Variants in WAPL observed in about 807,000 individuals in gnomAD.
WAPL encodes the protein WAPL cohesin release factor, also known as wings apart-like protein homolog.
In WAPL, 5 loss-of-function variants were observed where a neutral mutation model predicts 121.0. That is an observed-to-expected ratio of 0.04 (90% confidence interval 0.02 to 0.09). WAPL has a LOEUF of 0.09. Among genes scored for constraint, WAPL ranks in the 10% least tolerant of loss-of-function variants. WAPL has a pLI of 1.00. For synonymous variants in WAPL, 480 were observed against 481.5 expected, an observed-to-expected ratio of 1.00 and a Z score of 0.04; for missense variants, 999 against 1,410.8, an observed-to-expected ratio of 0.71 and a Z score of 4.68.
intron 1 of WAPL, among the ~76,000 whole-genome samples, chr10:86,519,455 T>C (rs1302908913): frequency 6.6e-6 from 1 of 152,244 alleles, no homozygotes; most frequent in Non-Finnish European, 1.5e-5. Context: ...TTACCATTTA[T>C]AATGAGTCAC....
intron 15 of WAPL, among the ~76,000 whole-genome samples, chr10:86,446,956 G>C (rs1849637316): frequency 6.6e-6 from 1 of 152,142 alleles, no homozygotes; most frequent in African/African-American, 2.4e-5. Context: ...AAACTTCAAA[G>C]AGAGATTATA....
intron 4 of WAPL, among the ~76,000 whole-genome samples, chr10:86,495,462 CA>C (rs888514373): frequency 8.4e-4 from 120 of 142,154 alleles, no homozygotes; most frequent in Admixed American, 2.1e-3. Flanking sequence ...GAGACCATCT[CA>C]AAAAAAAAAG....
intron 12 of WAPL, among the ~76,000 whole-genome samples, chr10:86,458,079 C>T (rs929274099): frequency 2.6e-5 from 4 of 152,144 alleles, no homozygotes; most frequent in Admixed American, 2.0e-4. Context: ...AGTAAGACTG[C>T]AATGGGCCTT....
chr10:86,510,381 C>T (rs1182678667), intron 2 of WAPL, among the ~76,000 whole-genome samples: 1 of 152,064 alleles, frequency 6.6e-6, no homozygotes, highest in African/African-American at 2.4e-5. Context: ...TGTCTGGCTT[C>T]AAGTTCTAAA....
rs1433831085 is a variant in WAPL at position 86,472,936 on chromosome 10, C to G, written c.1741-172G>C. On this transcript the variant is annotated intron_variant, in intron 5 of 18. Coordinates refer to ENST00000298767, the MANE Select transcript of WAPL (RefSeq NM_015045.5). This position sits in a 1 kb window ranked among gnomAD's most constrained non-coding sequence, Gnocchi z 4.2. ...AAATACTTTGAATTCCATGCACTAA[C>G]AGGTAAGACATATGTATATCTGCAC... Among the ~76,000 whole-genome samples, 3 of 152,188 alleles carry G rather than the reference C, an allele frequency of 2.0e-5. No individual in the cohort carries two copies. The highest frequency in any genetic ancestry group is 4.4e-5 in the Non-Finnish European group (3 of 68,030).
At chr10:86,438,763 A>G (rs889950968) in intron 17 of WAPL, among the ~76,000 whole-genome samples, 1 of 152,198 alleles carries the variant, frequency 6.6e-6, no homozygotes, top group Non-Finnish European at 1.5e-5. Flanking sequence ...ATAGGACAGG[A>G]ATTAACTAGA....
chr10:86,517,544 C>T (rs756170967), intron 2 of WAPL, 27 bp downstream of exon 2: 29 of 1,571,584 alleles, frequency 1.8e-5, no homozygotes, highest in East Asian at 4.5e-5. Context: ...GCTCTCTTGG[C>T]GGAGAATAAA....
chr10:86,447,774 C>A (rs745539282), intron 15 of WAPL, among the ~76,000 whole-genome samples: 12 of 152,252 alleles, frequency 7.9e-5, no homozygotes, highest in Non-Finnish European at 1.5e-4. Flanking sequence ...CCTGGCCATG[C>A]AGGGTGGCTC....
At position 86,500,615 on chromosome 10, in the gene WAPL, T is replaced by C. The variant is rs1476672417; in HGVS notation, c.628A>G (p.Thr210Ala). 8 of 1,614,210 alleles carry C rather than the reference T, an allele frequency of 5.0e-6. No individual in the cohort carries two copies. In the East Asian group the frequency reaches 1.8e-4, roughly 36 times the overall value. ...VASEIKETND[T>A]WNSQFGKRPE... ...CTTTTCCCAAACTGGGAGTTCCAAG[T>C]ATCATTTGTTTCCTTGATTTCAGAA... Residue 210 changes from threonine (T) to alanine (A), a missense_variant, in exon 3 of 19, where the codon ACT becomes GCT. By Grantham distance (58) the Thr-to-Ala change is moderately conservative. Transcript: ENST00000298767.
intron 2 of WAPL, among the ~76,000 whole-genome samples, chr10:86,501,450 A>C (rs1401128033): frequency 6.6e-6 from 1 of 152,224 alleles, no homozygotes; most frequent in East Asian, 1.9e-4. Flanking sequence ...CAACCTTTCC[A>C]AATGAGATAC....
rs151280178 is a variant in WAPL at position 86,476,453 on chromosome 10, C to A, written c.1645-2480G>T. On this transcript the variant is annotated intron_variant, in intron 4 of 18. Coordinates refer to ENST00000298767, the MANE Select transcript of WAPL (RefSeq NM_015045.5). ...CCTGTAATCCCAGCACTTTGGGAGG[C>A]CAAGGCAGGCGGATCGACTGAGGTC... 7.4e-3 allele frequency among the ~76,000 whole-genome samples: 1,129 copies of A among 151,810 alleles called. 15 individuals carry two copies. The highest frequency in any genetic ancestry group is 0.026 in the African/African-American group (1,068 of 41,314).
intron 12 of WAPL, among the ~76,000 whole-genome samples, chr10:86,454,359 G>GCTCTCC (rs201751242): frequency 3.6e-4 from 54 of 151,770 alleles, no homozygotes; most frequent in Non-Finnish European, 5.3e-4. Flanking sequence ...AAGGATTCTC[G>GCTCTCC]CTCTCCCTCT....
At position 86,459,077 on chromosome 10, in the gene WAPL, G is replaced by C. The variant is rs778804436; in HGVS notation, c.2581-12C>G. 2.1e-5 allele frequency: 34 copies of C among 1,596,480 alleles called. 1 individual carries two copies. The South Asian group carries it at 3.2e-4, about 15-fold the overall frequency. On this transcript the variant is annotated splice_polypyrimidine_tract_variant and intron_variant, in intron 11 of 18. Transcript: ENST00000298767. ...TTATGCACAGTTACCTAAAAAGGAAGAATATGAAATAATTGTGGCAATCCA... is the reference window on the plus strand; with the variant it reads ...TTATGCACAGTTACCTAAAAAGGAACAATATGAAATAATTGTGGCAATCCA...
chr10:86,501,441 A>C lies in WAPL; in HGVS notation c.500-698T>G, dbSNP rs1359158549. Among the ~76,000 whole-genome samples the C allele has an allele frequency of 5.3e-5, 8 of 152,326 alleles. No individual in the cohort carries two copies. The East Asian group carries it at 1.5e-3, about 29-fold the overall frequency. On this transcript the variant is annotated intron_variant, in intron 2 of 18. Coordinates refer to ENST00000298767, the MANE Select transcript of WAPL (RefSeq NM_015045.5). Reference sequence around the variant, plus strand: ...ATTTTTACTATCAGAACATTTTTACAACCTTTCCAAATGAGATACAAATAT... The same window carrying C: ...ATTTTTACTATCAGAACATTTTTACCACCTTTCCAAATGAGATACAAATAT...
chr10:86,449,620 G>A (rs1840921590), intron 15 of WAPL, among the ~76,000 whole-genome samples: 1 of 152,202 alleles, frequency 6.6e-6, no homozygotes, highest in Non-Finnish European at 1.5e-5. Context: ...GGATCTCTGA[G>A]GGTGTGGGGA....
rs1327112143 is a variant in WAPL at position 86,436,708 on chromosome 10, A to G, written c.*835T>C. 6.6e-6 allele frequency: 1 copy of G among 152,642 alleles called. No individual in the cohort carries two copies. The highest frequency in any genetic ancestry group is 2.4e-5 in the African/African-American group (1 of 41,446). The allele number at this position is 152,642 out of a possible 1,614,324, so 9.5% of individuals were successfully genotyped here. A position where few individuals can be genotyped will look rare whatever the true frequency, so the allele number is the denominator to read the frequency against. On this transcript the variant is annotated 3_prime_UTR_variant, in exon 19 of 19. Transcript: ENST00000298767. The stretch of plus-strand genomic sequence containing the variant: ...AGAGAGTCTTTCCTCAAAATCTAAT[A>G]ATGTTTTAAGAGCCTCCCTAGCATT...
chr10:86,452,528 G>GT (rs1444757108), intron 14 of WAPL, among the ~76,000 whole-genome samples: 11 of 151,938 alleles, frequency 7.2e-5, no homozygotes, highest in African/African-American at 2.7e-4. Flanking sequence ...GGAGATGGAG[G>GT]TTGCAGTGAG....
intron 8 of WAPL, 31 bp downstream of exon 8, chr10:86,470,961 G>A: frequency 1.9e-6 from 3 of 1,580,164 alleles, no homozygotes; most frequent in African/African-American, 1.3e-5. Flanking sequence ...TTCAACATAA[G>A]GCTTCTCAAT....
chr10:86,449,698 C>T (rs1015111141), intron 15 of WAPL, among the ~76,000 whole-genome samples: 1 of 152,178 alleles, frequency 6.6e-6, no homozygotes, highest in Non-Finnish European at 1.5e-5. Flanking sequence ...TCAAACACAG[C>T]TCCTGAGGCG....
Sources: gnomAD v4.1 joint callset for allele counts (sites outside exome capture counted in the v4.1 genomes callset) on GRCh38, gnomAD v4.1.1 for gene constraint, Gnocchi (gnomAD v3.1) non-coding constraint, MANE v1.5 for transcripts, NCBI Gene and HGNC (gene_info 2026-07-23, HGNC 2026-07-21) for gene names.